The following ANO9 variants were observed in gnomAD, a reference collection of about 807,000 sequenced individuals.
ANO9 encodes anoctamin 9, also known as anoctamin-9.
Under a neutral mutation model 100.5 loss-of-function variants are expected in ANO9, and 80 were observed. The observed-to-expected ratio is 0.80, with a 90% CI of 0.66 to 0.96. ANO9 has a LOEUF of 0.96. Among genes scored for constraint, ANO9 ranks in the 40% least tolerant of loss-of-function variants. ANO9 has a pLI of 0.00. For synonymous variants in ANO9, 473 were observed against 435.6 expected, an observed-to-expected ratio of 1.09 and a Z score of -1.07; for missense variants, 1,064 against 1,072.7, an observed-to-expected ratio of 0.99 and a Z score of 0.11.
At position 418,745 on chromosome 11, in the gene ANO9, C is replaced by T. The variant is rs116108490; in HGVS notation, c.2105G>A (p.Arg702His). ...SEQFWFLLAI[R>H]LAFVILFEHV... is the part of the protein sequence containing the mutation. ...CTCAAAGAGGATGACGAAGGCCAGG[C>T]GGATGGCCAGGAGGAACCAGAACTG... Residue 702 changes from arginine (R) to histidine (H), a missense_variant, in exon 22 of 23, where the codon CGC (arginine) becomes CAC (histidine). Transcript: ENST00000332826. The T allele has an allele frequency of 1.1e-4, 182 of 1,612,970 alleles. 1 individual carries two copies. The African/African-American group carries it at 2.3e-3, about 20-fold the overall frequency.
intron 4 of ANO9, 196 bp downstream of exon 4, chr11:433,118 G>C: frequency 1.4e-6 from 1 of 692,100 alleles, no homozygotes; most frequent in South Asian, 2.3e-5. Context: ...GAGAACCACC[G>C]TGATCCTTTA....
At chr11:437,036 C>T (rs1318075781) in intron 1 of ANO9, among the ~76,000 whole-genome samples, 3 of 66,546 alleles carry the variant, frequency 4.5e-5, no homozygotes, top group Non-Finnish European at 9.2e-5. Flanking sequence ...GGGGGGTGAG[C>T]GGGGGGTGCG....
chr11:433,505 C>CTCTATCCCGCCTCAGAACCCTCCCCCG, intron 3 of ANO9, 46 bp from the exon 4 acceptor site: 4 of 1,579,964 alleles, frequency 2.5e-6, no homozygotes, highest in Non-Finnish European at 3.5e-6. Flanking sequence ...ACCCTCCCCG[C>CTCTATCCCGCCTCAGAACCCTCCCCCG]TCTATCCCGC....
chr11:429,015 CA>C (rs1287523830), intron 11 of ANO9, among the ~76,000 whole-genome samples, 189 bp from the exon 12 acceptor site: 91 of 140,872 alleles, frequency 6.5e-4, no homozygotes, highest in Middle Eastern at 4.8e-3. Context: ...GGTGGACAGA[CA>C]CGGGACACTC....
chr11:428,459 C>G lies in ANO9; in HGVS notation c.1185+16G>C, dbSNP rs754090325. ...GTGGACCCCCCAGCTCGGGCCTGCC[C>G]TGCTCCCGGCCCCACCTTGGTCATG... On this transcript the variant is annotated intron_variant, in intron 13 of 22. Transcript: ENST00000332826. 1.2e-6 allele frequency: 2 copies of G among 1,612,418 alleles called. No individual in the cohort carries two copies. The highest frequency in any genetic ancestry group is 1.7e-6 in the Non-Finnish European group (2 of 1,179,758).
intron 1 of ANO9, 68 bp downstream of exon 1, chr11:441,853 C>CGG: frequency 6.4e-7 from 1 of 1,567,374 alleles, no homozygotes; most frequent in Non-Finnish European, 8.6e-7. Flanking sequence ...GGGCTGGGGC[C>CGG]GGGGGCCCCA....
intron 19 of ANO9, 142 bp downstream of exon 19, chr11:420,321 G>C: frequency 6.8e-7 from 1 of 1,459,928 alleles, no homozygotes. Flanking sequence ...CCGCATCCGA[G>C]GCCGTCGGAG....
At chr11:436,707 A>G (rs1444710402) in intron 1 of ANO9, among the ~76,000 whole-genome samples, 1 of 61,276 alleles carries the variant, frequency 1.6e-5, no homozygotes, top group Non-Finnish European at 3.3e-5. Context: ...GGGGGTAAGC[A>G]GGGGGTGAGC....
At chr11:419,279 A>G in intron 20 of ANO9, 2 of 1,413,572 alleles carry the variant, frequency 1.4e-6, no homozygotes, top group South Asian at 3.1e-5. Context: ...TGGATAAATC[A>G]GAAGAGGACA....
intron 20 of ANO9, chr11:419,309 A>G: frequency 7.1e-7 from 1 of 1,408,182 alleles, no homozygotes; most frequent in Non-Finnish European, 9.2e-7. Flanking sequence ...TCACATCGGG[A>G]GGGAGCCGTT....
chr11:437,834 A>T (rs1322381980), intron 1 of ANO9, among the ~76,000 whole-genome samples: 1 of 152,294 alleles, frequency 6.6e-6, no homozygotes, highest in Middle Eastern at 3.4e-3. Context: ...ACCCAGGATG[A>T]GGGTCCCTCC....
chr11:440,895 G>C (rs573693139), intron 1 of ANO9, among the ~76,000 whole-genome samples: 1 of 152,238 alleles, frequency 6.6e-6, no homozygotes, highest in South Asian at 2.1e-4. Context: ...CACCAGGCCC[G>C]GCTGCAACTG....
At chr11:441,807 C>A (rs1396260407) in intron 1 of ANO9, 114 bp downstream of exon 1, 9 of 1,467,840 alleles carry the variant, frequency 6.1e-6, no homozygotes, top group South Asian at 1.3e-5. Flanking sequence ...GGACCCCCCC[C>A]ACACACACAG....
At chr11:437,065 T>TGCGCGGGGGGTGCGCGGGG (rs1845403871) in intron 1 of ANO9, among the ~76,000 whole-genome samples, 1 of 134,154 alleles carries the variant, frequency 7.5e-6, no homozygotes, top group Admixed American at 7.4e-5. Context: ...GAGCTGGGGG[T>TGCGCGGGGGGTGCGCGGGG]GAATGTTCCC....
At chr11:438,068 A>T (rs1288026713) in intron 1 of ANO9, among the ~76,000 whole-genome samples, 1 of 152,096 alleles carries the variant, frequency 6.6e-6, no homozygotes, top group Non-Finnish European at 1.5e-5. Flanking sequence ...CGTTCACCCC[A>T]GAAATGAGGC....
In ANO9 at chr11:431,727, T is replaced by C. The variant is rs773171904; in HGVS notation, c.506A>G (p.His169Arg). ...ATCAACTGGCTGCTCCCGGAACATG[T>C]GTCTCCACCGCGCCCACGTCTTCTT... ...RLKKTWARWR[H>R]MFREQPVDEI... Residue 169 changes from histidine to arginine, a missense_variant, in exon 7 of 23, where the codon CAC becomes CGC. By Grantham distance (29) the His-to-Arg change is conservative. Transcript: ENST00000332826. 2 of 1,612,502 alleles carry C rather than the reference T, an allele frequency of 1.2e-6. No individual in the cohort carries two copies. The highest frequency in any genetic ancestry group is 1.7e-6 in the Non-Finnish European group (2 of 1,179,550).
rs375820320 is a variant in ANO9 at position 429,626 on chromosome 11, G to C, written c.859C>G (p.Arg287Gly). The C allele has an allele frequency of 6.2e-7, 1 of 1,612,600 alleles. No individual in the cohort carries two copies. The highest frequency in any genetic ancestry group is 8.5e-7 in the Non-Finnish European group (1 of 1,179,870). The change falls in exon 11 of 23, where the codon CGG (arginine) becomes GGG (glycine). Residue 287 changes from arginine (R) to glycine (G), a missense_variant. Transcript: ENST00000332826. Reference sequence around the variant, plus strand: ...TGCAGGACCACGCGGGCGCGCTGCCGCTTCCAGATCTCCAGGAACACCGTG... The same window carrying C: ...TGCAGGACCACGCGGGCGCGCTGCCCCTTCCAGATCTCCAGGAACACCGTG... Reference protein sequence around the residue: ...WATVFLEIWKRQRARVVLHWD... With the variant: ...WATVFLEIWKGQRARVVLHWD...
At chr11:425,399 AG>A (rs1848452137) in intron 15 of ANO9, among the ~76,000 whole-genome samples, 1 of 152,178 alleles carries the variant, frequency 6.6e-6, no homozygotes, top group Non-Finnish European at 1.5e-5. Flanking sequence ...CAAGAAAAAG[AG>A]GCAAGTAGAA....
chr11:420,848 G>C lies in ANO9; in HGVS notation c.1503C>G (p.His501Gln). 1 of 1,591,736 alleles carries C rather than the reference G, an allele frequency of 6.3e-7. No homozygotes were observed. The highest frequency in any genetic ancestry group is 1.3e-5 in the African/African-American group (1 of 74,834). ...CVEYLVPWVT[H>Q]KCRSLRASES... ...CGGAGGCCCGCAGAGAGCGGCACTT[G>C]TGGGTCACCCACCTGCGGGGAGAGC... The change falls in exon 18 of 23, where the codon CAC becomes CAG. Residue 501 changes from histidine (H) to glutamine (Q), a missense_variant. Transcript: ENST00000332826.
Sources: allele counts gnomAD v4.1 joint callset (sites outside exome capture counted in the v4.1 genomes callset), GRCh38; gene constraint gnomAD v4.1.1; transcripts MANE v1.5; gene names NCBI Gene and HGNC (gene_info 2026-07-23, HGNC 2026-07-21).